Variants in FAT3 observed in about 807,000 individuals in gnomAD.
FAT3 encodes the protein protocadherin Fat 3.
Under a neutral mutation model 310.2 loss-of-function variants are expected in FAT3, and 95 were observed. The observed-to-expected ratio is 0.31, with a 90% CI of 0.26 to 0.36. The LOEUF (loss-of-function observed/expected upper bound fraction) is 0.36, where lower values mean the gene tolerates loss of function less well. FAT3 is among the 10% of genes least tolerant of loss of function. FAT3 has a pLI of 1.00. For synonymous variants in FAT3, 2,314 were observed against 2,192.9 expected (o/e 1.06, Z -1.54); for missense variants, 5,408 against 5,715.6 (o/e 0.95, Z 1.74).
chr11:92,285,111 G>T (rs1946526679), intron 1 of FAT3, among the ~76,000 whole-genome samples: 2 of 152,114 alleles, frequency 1.3e-5, no homozygotes, highest in Non-Finnish European at 2.9e-5. Context: ...AATATATCTA[G>T]AATATGAATT....
chr11:92,709,112 T>TC (rs1944444892), intron 4 of FAT3, among the ~76,000 whole-genome samples: 1 of 152,182 alleles, frequency 6.6e-6, no homozygotes, highest in Admixed American at 6.5e-5. Context: ...ATAACTAATT[T>TC]CCCCCGGCCA....
intron 2 of FAT3, among the ~76,000 whole-genome samples, chr11:92,465,945 A>C (rs1006824925): frequency 1.3e-5 from 2 of 152,212 alleles, no homozygotes; most frequent in Non-Finnish European, 2.9e-5. Context: ...CAACAAAGTC[A>C]CAGATGTAAT....
chr11:92,257,923 A>C (rs1318926935), intron 1 of FAT3, among the ~76,000 whole-genome samples: 1 of 152,136 alleles, frequency 6.6e-6, no homozygotes, highest in Non-Finnish European at 1.5e-5. Flanking sequence ...TTATGCAATC[A>C]GTTTTTACCT....
At chr11:92,749,776 T>A (rs116888614) in intron 4 of FAT3, among the ~76,000 whole-genome samples, 1,724 of 152,220 alleles carry the variant, frequency 0.011, 18 homozygotes, top group Middle Eastern at 0.041. Flanking sequence ...ATAAGCATCT[T>A]TACTACAATT....
chr11:92,803,101 C>CT (rs1947406713), intron 10 of FAT3, among the ~76,000 whole-genome samples: 1 of 150,110 alleles, frequency 6.7e-6, no homozygotes, highest in Non-Finnish European at 1.5e-5. Context: ...TGAAGCATGA[C>CT]TTTAATTCAT....
At chr11:92,314,972 T>C (rs1258440349) in intron 1 of FAT3, among the ~76,000 whole-genome samples, 2 of 152,100 alleles carry the variant, frequency 1.3e-5, no homozygotes, top group Non-Finnish European at 2.9e-5. Flanking sequence ...TGTGGCATGG[T>C]ACCTGGGTAT....
intron 1 of FAT3, among the ~76,000 whole-genome samples, chr11:92,298,870 G>A (rs1946919670): frequency 6.6e-6 from 1 of 152,100 alleles, no homozygotes; most frequent in Non-Finnish European, 1.5e-5. Context: ...TGGATCTGCT[G>A]AAGGAATGGT....
intron 3 of FAT3, among the ~76,000 whole-genome samples, chr11:92,598,895 C>T (rs1050580253): frequency 1.1e-4 from 16 of 152,310 alleles, no homozygotes; most frequent in Admixed American, 2.6e-4. Context: ...GCCAAAAGTG[C>T]TCAGCACAGA....
intron 3 of FAT3, among the ~76,000 whole-genome samples, chr11:92,569,217 T>G (rs1341990685): frequency 1.4e-4 from 21 of 152,322 alleles, no homozygotes; most frequent in Non-Finnish European, 1.5e-5. Context: ...CTTATGTTAC[T>G]TAACCTCTTT....
chr11:92,851,311 G>C (rs1358738681), intron 19 of FAT3, among the ~76,000 whole-genome samples: 1 of 152,120 alleles, frequency 6.6e-6, no homozygotes, highest in Non-Finnish European at 1.5e-5. Context: ...GTAGTAATTT[G>C]TTTTTATAAT....
intron 2 of FAT3, among the ~76,000 whole-genome samples, chr11:92,420,942 A>G (rs531386941): frequency 6.6e-6 from 1 of 152,288 alleles, no homozygotes; most frequent in African/African-American, 2.4e-5. Flanking sequence ...ACTTCTATGA[A>G]TGGTATTTTT....
chr11:92,354,374 C>T lies in FAT3; in HGVS notation c.2262C>T (p.Asp754=), dbSNP rs1041119868. 1 of 1,613,822 alleles carries T rather than the reference C, an allele frequency of 6.2e-7. No homozygotes were observed. The highest frequency in any genetic ancestry group is 8.5e-7 in the Non-Finnish European group (1 of 1,179,886). Residue 754 remains aspartate (D), a synonymous_variant, in exon 2 of 28, where the codon GAC becomes GAT. Transcript: ENST00000525166. The stretch of plus-strand genomic sequence containing the variant: ...TGAAGATTAAAGCCTATGATGCCGA[C>T]TCTGGCTTCAATGGAAAAGTGCTAT... The part of the protein sequence containing the change: ...NILKIKAYDA[D]SGFNGKVLFT...
At chr11:92,705,397 A>ATGGTGGTGGTGGTGATGGTGGTAG in intron 4 of FAT3, among the ~76,000 whole-genome samples, 1 of 65,730 alleles carries the variant, frequency 1.5e-5, no homozygotes, top group East Asian at 5.4e-4. Context: ...GGTGGTGGTG[A>ATGGTGGTGGTGGTGATGGTGGTAG]TGGTGGTGGT....
chr11:92,834,652 T>A (rs923607126), intron 14 of FAT3, among the ~76,000 whole-genome samples: 2 of 152,220 alleles, frequency 1.3e-5, no homozygotes, highest in Non-Finnish European at 2.9e-5. Flanking sequence ...ATGTAAAGAC[T>A]TTTCATTTCT....
At position 92,840,551 on chromosome 11, in the gene FAT3, CTT is replaced by C; in HGVS notation, c.10369-8_10369-7del. Reference sequence around the variant, plus strand: ...TTTATCTTCATTTTTACTATATACTCTTTTATGCAGGAAAATAAGCCAGTGGG... The same window carrying C: ...TTTATCTTCATTTTTACTATATACTCTTATGCAGGAAAATAAGCCAGTGGG... On this transcript the variant is annotated splice_polypyrimidine_tract_variant and intron_variant, in intron 17 of 27. Transcript: ENST00000525166. 1 of 1,575,978 alleles carries C rather than the reference CTT, an allele frequency of 6.3e-7. No individual in the cohort carries two copies. The highest frequency in any genetic ancestry group is 1.7e-4 in the Middle Eastern group (1 of 5,892).
At chr11:92,482,039 G>C (rs556445347) in intron 2 of FAT3, among the ~76,000 whole-genome samples, 4 of 151,900 alleles carry the variant, frequency 2.6e-5, no homozygotes, top group Non-Finnish European at 5.9e-5. Flanking sequence ...TGCTTACCTA[G>C]AGAAATTGGG....
At chr11:92,270,931 C>T (rs1475842037) in intron 1 of FAT3, among the ~76,000 whole-genome samples, 4 of 152,006 alleles carry the variant, frequency 2.6e-5, no homozygotes, top group Non-Finnish European at 4.4e-5. Flanking sequence ...CTCTCTTTCC[C>T]TCATTTTTTA....
chr11:92,685,254 A>G (rs1399950696), intron 3 of FAT3, among the ~76,000 whole-genome samples: 4 of 152,206 alleles, frequency 2.6e-5, no homozygotes, highest in African/African-American at 9.6e-5. Context: ...AAGAATCAAG[A>G]TAAACTCATT....
intron 3 of FAT3, among the ~76,000 whole-genome samples, chr11:92,655,739 A>G (rs1006369870): frequency 6.6e-6 from 1 of 151,986 alleles, no homozygotes; most frequent in South Asian, 2.1e-4. Flanking sequence ...CTCTGCCTGT[A>G]TTCAGCTATT....
Sources: allele counts gnomAD v4.1 joint callset (sites outside exome capture counted in the v4.1 genomes callset), GRCh38; gene constraint gnomAD v4.1.1; transcripts MANE v1.5; gene names NCBI Gene and HGNC (gene_info 2026-07-23, HGNC 2026-07-21).